The following MAPK6 variants were observed in gnomAD, a reference collection of about 807,000 sequenced individuals.
The protein encoded by MAPK6 is mitogen-activated protein kinase 6.
Under a neutral mutation model 59.3 loss-of-function variants are expected in MAPK6, and 19 were observed. That is an observed-to-expected ratio of 0.32 (90% CI 0.22 to 0.47). MAPK6 has a LOEUF of 0.47. Ranked by LOEUF, MAPK6 falls within the 20% of genes least tolerant of loss-of-function variation. The probability of loss-of-function intolerance (pLI) is 1.00; values close to 1 mark genes in which losing one functional copy is unlikely to be tolerated. For missense variants in MAPK6, 724 were observed against 847.9 expected (o/e 0.85, Z 1.81); for synonymous variants, 316 against 290.3 (o/e 1.09, Z -0.90).
intron 1 of MAPK6, among the ~76,000 whole-genome samples, chr15:52,030,611 C>CTTTTTTTT (rs11295636): frequency 8.4e-5 from 3 of 35,742 alleles, no homozygotes; most frequent in Admixed American, 5.1e-4. Flanking sequence ...CAGAAGAAGG[C>CTTTTTTTT]TTTTTTTTTT....
At chr15:51,989,376 A>G (rs887602975) in intron 2 of MAPK6, among the ~76,000 whole-genome samples, 1 of 152,010 alleles carries the variant, frequency 6.6e-6, no homozygotes, top group Admixed American at 6.6e-5. Context: ...CTCAAAATCC[A>G]CAATGTAACA....
intron 1 of MAPK6, among the ~76,000 whole-genome samples, chr15:52,028,641 G>C (rs1262447988): frequency 6.6e-6 from 1 of 152,134 alleles, no homozygotes; most frequent in Non-Finnish European, 1.5e-5. Flanking sequence ...CTGCTCTATT[G>C]GACAGTGCAG....
chr15:51,983,328 A>T (rs1320734241), intron 2 of MAPK6, among the ~76,000 whole-genome samples: 1 of 151,880 alleles, frequency 6.6e-6, no homozygotes, highest in Admixed American at 6.6e-5. Flanking sequence ...ATGTACTAAA[A>T]ATACAAAATT....
At chr15:51,997,120 C>T (rs994800060) in intron 2 of MAPK6, among the ~76,000 whole-genome samples, 11 of 150,538 alleles carry the variant, frequency 7.3e-5, no homozygotes, top group African/African-American at 2.7e-4. Flanking sequence ...GCTGGGATTA[C>T]AGGCGCCCGC....
At chr15:52,060,904 G>A (rs2032174803) in intron 4 of MAPK6, among the ~76,000 whole-genome samples, 1 of 152,188 alleles carries the variant, frequency 6.6e-6, no homozygotes, top group Admixed American at 6.5e-5. Context: ...CTTTATGCAT[G>A]AAGAAACTGA....
Position 52,051,855 on chromosome 15 carries a change from CAG to C in MAPK6, c.700+1722_700+1723del, listed in dbSNP as rs568320635. Among the ~76,000 whole-genome samples the C allele has an allele frequency of 1.5e-4, 21 of 143,410 alleles. No individual in the cohort carries two copies. The South Asian group carries it at 2.0e-3, about 13-fold the overall frequency. 94.1% of individuals were successfully genotyped at this position (143,410 alleles called of 152,430 possible). A position where few individuals can be genotyped will look rare whatever the true frequency, so the allele number is the denominator to read the frequency against. Reference sequence around the variant, plus strand: ...CGCCATTGCACTCCAGCCTGGGCGACAGAGACTCTGTCTCAAAAAAAAAAAAA... The same window carrying C: ...CGCCATTGCACTCCAGCCTGGGCGACAGACTCTGTCTCAAAAAAAAAAAAA... On this transcript the variant is annotated intron_variant, in intron 3 of 5. Transcript: ENST00000261845.
At chr15:51,982,064 A>G (rs987028613) in intron 1 of MAPK6, among the ~76,000 whole-genome samples, 1 of 152,212 alleles carries the variant, frequency 6.6e-6, no homozygotes, top group Non-Finnish European at 1.5e-5. Flanking sequence ...AGACAGAGAG[A>G]AACATCAGGA....
intron 1 of MAPK6, chr15:52,027,945 GTATTTT>G (rs2030872319): frequency 1.7e-5 from 1 of 59,550 alleles, no homozygotes; most frequent in East Asian, 5.2e-4. Flanking sequence ...GCTAATTTTT[GTATTTT>G]TTTTTTTTTT....
upstream of MAPK6, chr15:52,017,235 C>G (rs2030296966): frequency 6.6e-6 from 1 of 152,236 alleles, no homozygotes; most frequent in Non-Finnish European, 1.5e-5. Flanking sequence ...AAGGAGTCAG[C>G]AAAGGGTGGT....
intron 3 of MAPK6, among the ~76,000 whole-genome samples, chr15:52,006,533 CA>C (rs1314819970): frequency 6.6e-6 from 1 of 152,218 alleles, no homozygotes; most frequent in African/African-American, 2.4e-5. Context: ...GACTAAAACA[CA>C]GAAGTTCACA....
intron 1 of MAPK6, among the ~76,000 whole-genome samples, chr15:52,025,305 C>G (rs2030726644): frequency 1.3e-5 from 2 of 152,132 alleles, no homozygotes; most frequent in Non-Finnish European, 2.9e-5. Flanking sequence ...CGTTAGTCTT[C>G]TGAGTTGCTC....
intron 3 of MAPK6, among the ~76,000 whole-genome samples, chr15:52,010,675 G>T (rs1595967368): frequency 6.6e-6 from 1 of 151,718 alleles, no homozygotes; most frequent in East Asian, 1.9e-4. Context: ...CACATCACCA[G>T]GCCAGGCTAA....
intron 1 of MAPK6, among the ~76,000 whole-genome samples, chr15:52,031,119 G>A (rs1438101231): frequency 6.6e-6 from 1 of 151,964 alleles, no homozygotes; most frequent in Non-Finnish European, 1.5e-5. Flanking sequence ...TTAGTAGAGA[G>A]ACAGGGTTTC....
intron 1 of MAPK6, among the ~76,000 whole-genome samples, chr15:52,037,481 T>G (rs879944182): frequency 1.9e-4 from 29 of 152,234 alleles, no homozygotes; most frequent in Non-Finnish European, 7.3e-5. Context: ...TTACATGGGC[T>G]GATAGGACTT....
In MAPK6 at chr15:52,046,257, A is replaced by G; in HGVS notation, c.-204A>G. The G allele has an allele frequency of 1.9e-6, 1 of 522,416 alleles. No individual in the cohort carries two copies. The highest frequency in any genetic ancestry group is 5.1e-4 in the Middle Eastern group (1 of 1,946). 32.4% of individuals were successfully genotyped at this position (522,416 alleles called of 1,614,324 possible). ...TGCAATCTTTTTAATTCTCAATATG[A>G]ATAGAGCTTTTTGAGCTTTAAATCT... On this transcript the variant is annotated 5_prime_UTR_variant, in exon 2 of 6. Coordinates refer to ENST00000261845, the MANE Select transcript of MAPK6 (RefSeq NM_002748.4).
intron 1 of MAPK6, among the ~76,000 whole-genome samples, chr15:52,034,565 C>A (rs1480723549): frequency 6.6e-6 from 1 of 152,124 alleles, no homozygotes; most frequent in Non-Finnish European, 1.5e-5. Flanking sequence ...CTCGGCCCCC[C>A]AAAGTGCTAG....
At chr15:51,978,528 G>A (rs75506069) in intron 1 of MAPK6, among the ~76,000 whole-genome samples, 2,868 of 151,876 alleles carry the variant, frequency 0.019, 96 homozygotes, top group East Asian at 0.074. Flanking sequence ...ATAGTAAAAT[G>A]TATGAAAATT....
rs959808857 is a variant in MAPK6 at position 52,066,405 on chromosome 15, T to G, written c.*1405T>G. ...GTCTTTTGACTTAAACCATCACATATTAGAATGGAATAAAGCTTTATAATA... is the reference window on the plus strand; with the variant it reads ...GTCTTTTGACTTAAACCATCACATAGTAGAATGGAATAAAGCTTTATAATA... On this transcript the variant is annotated 3_prime_UTR_variant, in exon 6 of 6. Coordinates refer to ENST00000261845, the MANE Select transcript of MAPK6 (RefSeq NM_002748.4). 14 of 152,166 alleles carry G rather than the reference T, an allele frequency of 9.2e-5. No homozygotes were observed. Among genetic ancestry groups the G allele is most frequent in the African/African-American group, 3.1e-4 (13 of 41,414 alleles). 9.4% of individuals were successfully genotyped at this position (152,166 alleles called of 1,614,324 possible).
chr15:52,058,703 G>A lies in MAPK6; in HGVS notation c.771G>A (p.Gln257=). The part of the protein sequence containing the change: ...SIPVVHEEDR[Q]ELLSVIPVYI... ...CTGTTGTACATGAGGAAGATCGTCA[G>A]GAGCTTCTCAGCGTAATTCCAGTTT... The change falls in exon 4 of 6, where the codon CAG becomes CAA. Residue 257 remains glutamine, a synonymous_variant. Transcript: ENST00000261845. The A allele has an allele frequency of 6.2e-7, 1 of 1,613,626 alleles. No individual in the cohort carries two copies. The highest frequency in any genetic ancestry group is 8.5e-7 in the Non-Finnish European group (1 of 1,179,720).
Sources: gnomAD v4.1 joint callset for allele counts (sites outside exome capture counted in the v4.1 genomes callset) on GRCh38, gnomAD v4.1.1 for gene constraint, MANE v1.5 for transcripts, NCBI Gene and HGNC (gene_info 2026-07-23, HGNC 2026-07-21) for gene names.